FSHR: variants seen among roughly 807,000 people sequenced by gnomAD.
FSHR encodes follicle-stimulating hormone receptor.
FSHR carries 46 observed loss-of-function variants against 52.1 expected under a neutral mutation model. The ratio of observed to expected loss-of-function variants is 0.88; its 90% CI spans 0.70 to 1.13. The LOEUF (loss-of-function observed/expected upper bound fraction) is 1.13. FSHR is among the 50% of genes most tolerant of loss of function. The probability of loss-of-function intolerance (pLI) is 0.00; values close to 1 mark genes in which losing one functional copy is unlikely to be tolerated. For missense variants in FSHR, 964 were observed against 834.6 expected (o/e 1.16, Z -1.91); for synonymous variants, 399 against 309.6 (o/e 1.29, Z -3.03).
chr2:49,047,301 A>G (rs958537632), intron 2 of FSHR, among the ~76,000 whole-genome samples: 1 of 152,230 alleles, frequency 6.6e-6, no homozygotes, highest in Non-Finnish European at 1.5e-5. Context: ...AAGGGAAGAT[A>G]TAAAAGGAGT....
chr2:49,087,315 C>CAGTAAAGA (rs1343845649), intron 1 of FSHR, among the ~76,000 whole-genome samples: 2 of 151,780 alleles, frequency 1.3e-5, no homozygotes, highest in African/African-American at 4.8e-5. Flanking sequence ...GTGTATATAA[C>CAGTAAAGA]AGTAAAGAAG....
At chr2:49,126,288 C>T (rs1346387313) in intron 1 of FSHR, among the ~76,000 whole-genome samples, 1 of 146,036 alleles carries the variant, frequency 6.8e-6, no homozygotes, top group African/African-American at 2.6e-5. Flanking sequence ...GGTGGAAAGG[C>T]AAGAGAGCAC....
At chr2:49,063,231 A>G (rs551590606) in intron 2 of FSHR, among the ~76,000 whole-genome samples, 2 of 152,212 alleles carry the variant, frequency 1.3e-5, no homozygotes, top group African/African-American at 4.8e-5. Context: ...TATTTTGGAA[A>G]AACCCTAAAT....
At chr2:49,040,080 G>A (rs1240195264) in intron 2 of FSHR, among the ~76,000 whole-genome samples, 2 of 152,178 alleles carry the variant, frequency 1.3e-5, no homozygotes, top group African/African-American at 2.4e-5. Context: ...GGTTATCAAA[G>A]GAAGGCATAC....
At chr2:49,074,066 G>T (rs754223951) in intron 1 of FSHR, among the ~76,000 whole-genome samples, 2 of 151,924 alleles carry the variant, frequency 1.3e-5, no homozygotes, top group Non-Finnish European at 2.9e-5. Flanking sequence ...CTAAATATAA[G>T]ACCTGAAATG....
rs1020168343 is a variant in FSHR, at chr2:48,962,663, T to C, written c.*70A>G. Reference sequence around the variant, plus strand: ...AAATGTGTAGAAGCACTGTCAGCTCTTTGTGACATACCCTTCAAAGGCAAG... The same window carrying C: ...AAATGTGTAGAAGCACTGTCAGCTCCTTGTGACATACCCTTCAAAGGCAAG... On this transcript the variant is annotated 3_prime_UTR_variant, in exon 10 of 10. Coordinates refer to ENST00000406846, the MANE Select transcript of FSHR (RefSeq NM_000145.4). 8.1e-6 allele frequency: 12 copies of C among 1,478,034 alleles called. No individual in the cohort carries two copies. The highest frequency in any genetic ancestry group is 1.1e-5 in the South Asian group (1 of 87,626). 91.6% of individuals were successfully genotyped at this position (1,478,034 alleles called of 1,614,324 possible). A position where few individuals can be genotyped will look rare whatever the true frequency, so the allele number is the denominator to read the frequency against.
At chr2:48,997,284 A>G in intron 4 of FSHR, 1 of 985,148 alleles carries the variant, frequency 1.0e-6, no homozygotes, top group Non-Finnish European at 1.2e-6. Flanking sequence ...CATTTTCAAA[A>G]CTAGAAGTAT....
Position 49,153,971 on chromosome 2 carries a change from G to T in FSHR, c.152+295C>A, listed in dbSNP as rs563038309. ...TCCTTTTCTGGTTCCACTAAAGAGA[G>T]TATGAAACCCAAGAGCAAATGCATT... On this transcript the variant is annotated intron_variant, in intron 1 of 9. Coordinates refer to ENST00000406846, the MANE Select transcript of FSHR (RefSeq NM_000145.4). Among the ~76,000 whole-genome samples the T allele has an allele frequency of 3.9e-5, 6 of 152,246 alleles. No individual in the cohort carries two copies. In the East Asian group the frequency reaches 1.2e-3, roughly 29 times the overall value.
At chr2:49,141,079 A>G (rs1167517423) in intron 1 of FSHR, among the ~76,000 whole-genome samples, 1 of 152,184 alleles carries the variant, frequency 6.6e-6, no homozygotes, top group Non-Finnish European at 1.5e-5. Context: ...AGGCATACAT[A>G]TTGCTCAAAC....
intron 8 of FSHR, among the ~76,000 whole-genome samples, chr2:48,973,876 A>G (rs1674858079): frequency 6.6e-6 from 1 of 152,134 alleles, no homozygotes; most frequent in Non-Finnish European, 1.5e-5. Flanking sequence ...ATTGTTTCCT[A>G]TGGTTGTCTT....
chr2:49,126,497 T>A (rs1672001963), intron 1 of FSHR, among the ~76,000 whole-genome samples: 1 of 152,216 alleles, frequency 6.6e-6, no homozygotes, highest in Non-Finnish European at 1.5e-5. Flanking sequence ...CACTGGGGAT[T>A]AAGTTTCCAA....
At chr2:49,016,454 C>G (rs1393911573) in intron 4 of FSHR, among the ~76,000 whole-genome samples, 1 of 152,106 alleles carries the variant, frequency 6.6e-6, no homozygotes, top group Non-Finnish European at 1.5e-5. Flanking sequence ...TCAGCTGTCT[C>G]TCTTAGAACC....
At chr2:49,074,821 A>G (rs1669886964) in intron 1 of FSHR, among the ~76,000 whole-genome samples, 3 of 152,158 alleles carry the variant, frequency 2.0e-5, no homozygotes, top group Admixed American at 6.5e-5. Context: ...ATATATACAT[A>G]ATGGAATACT....
rs74263494 is a variant in FSHR at position 49,092,987 on chromosome 2, G to T, written c.153-24697C>A. Among the ~76,000 whole-genome samples the T allele has an allele frequency of 2.0e-5, 3 of 152,140 alleles. No homozygotes were observed. In the East Asian group the frequency reaches 5.8e-4, roughly 29 times the overall value. On this transcript the variant is annotated intron_variant, in intron 1 of 9. Transcript: ENST00000406846. ...AGCTTTGGTTTTGAATTTCAACACA[G>T]TCTTGCATTCTTGGAATAAACCCCA...
intron 1 of FSHR, among the ~76,000 whole-genome samples, chr2:49,087,202 C>G (rs1670433539): frequency 6.7e-6 from 1 of 150,288 alleles, no homozygotes; most frequent in South Asian, 2.1e-4. Context: ...ATTGGAGATC[C>G]TCTTCTTTGT....
At chr2:48,975,941 T>C (rs1268355672) in intron 8 of FSHR, among the ~76,000 whole-genome samples, 11 of 152,180 alleles carry the variant, frequency 7.2e-5, no homozygotes, top group Admixed American at 7.2e-4. Context: ...AAACGGACAA[T>C]CTGACTTCCT....
intron 8 of FSHR, among the ~76,000 whole-genome samples, chr2:48,975,706 C>G (rs1674957282): frequency 1.3e-5 from 2 of 152,122 alleles, no homozygotes. Flanking sequence ...CTTCACATCC[C>G]TTGTAAGTTG....
chr2:49,107,441 C>T (rs1472970263), intron 1 of FSHR, among the ~76,000 whole-genome samples: 1 of 152,126 alleles, frequency 6.6e-6, no homozygotes, highest in African/African-American at 2.4e-5. Flanking sequence ...GGCTGTTTCA[C>T]TCTGTTATAA....
intron 1 of FSHR, among the ~76,000 whole-genome samples, chr2:49,111,736 A>C (rs562819978): frequency 3.5e-4 from 54 of 152,276 alleles, no homozygotes; most frequent in Middle Eastern, 3.4e-3. Context: ...GAGTTTTCAC[A>C]GAAGGCTCTG....
Sources: allele counts gnomAD v4.1 joint callset (sites outside exome capture counted in the v4.1 genomes callset), GRCh38; gene constraint gnomAD v4.1.1; transcripts MANE v1.5; gene names NCBI Gene and HGNC (gene_info 2026-07-23, HGNC 2026-07-21).